The following ASTN1 variants were observed in gnomAD, a reference collection of about 807,000 sequenced individuals.
ASTN1 encodes the protein astrotactin 1.
A neutral mutation model predicts 140.7 loss-of-function variants in ASTN1; 41 were observed. That is an observed-to-expected ratio of 0.29 (90% confidence interval 0.23 to 0.38). ASTN1 has a LOEUF of 0.38. Ranked by LOEUF, ASTN1 falls within the 10% of genes least tolerant of loss-of-function variation. ASTN1 has a pLI of 1.00. For synonymous variants in ASTN1, 640 were observed against 652.2 expected, an observed-to-expected ratio of 0.98 and a Z score of 0.29; for missense variants, 1,479 against 1,678.8, an observed-to-expected ratio of 0.88 and a Z score of 2.08.
chr1:176,920,383 A>G (rs974299), intron 16 of ASTN1, among the ~76,000 whole-genome samples: 90,420 of 152,008 alleles, frequency 0.59, 29,235 homozygotes, highest in African/African-American at 0.86. Context: ...GGAGTGGTCC[A>G]GGCATCCCAC....
chr1:177,088,663 G>A (rs1679591153), intron 1 of ASTN1, among the ~76,000 whole-genome samples: 1 of 152,030 alleles, frequency 6.6e-6, no homozygotes, highest in Non-Finnish European at 1.5e-5. Flanking sequence ...TTAAAAACAT[G>A]GCATGCTCAT....
At chr1:176,913,849 C>T (rs188566244) in intron 16 of ASTN1, among the ~76,000 whole-genome samples, 1 of 152,278 alleles carries the variant, frequency 6.6e-6, no homozygotes, top group Admixed American at 6.5e-5. Context: ...ACAGCTCAGG[C>T]TAAGGGTGAG....
At chr1:176,865,419 T>C (rs1332637195) in intron 22 of ASTN1, among the ~76,000 whole-genome samples, 1 of 152,160 alleles carries the variant, frequency 6.6e-6, no homozygotes, top group Non-Finnish European at 1.5e-5. Flanking sequence ...GTGTCATAGA[T>C]AAAGAAAGTG....
At chr1:176,920,613 A>G (rs1443543198) in intron 16 of ASTN1, among the ~76,000 whole-genome samples, 1 of 152,178 alleles carries the variant, frequency 6.6e-6, no homozygotes, top group African/African-American at 2.4e-5. Context: ...GGGATGAACT[A>G]TGAATGTGGG....
At position 177,061,248 on chromosome 1, in the gene ASTN1, C is replaced by T; in HGVS notation, c.301G>A (p.Glu101Lys). The T allele has an allele frequency of 6.4e-7, 1 of 1,559,436 alleles. No homozygotes were observed. Among genetic ancestry groups the T allele is most frequent in the Non-Finnish European group, 8.7e-7 (1 of 1,151,446 alleles). ...YFVLEISGNTEDIPLVRWRQQ... is the reference protein window; with the variant it reads ...YFVLEISGNTKDIPLVRWRQQ... ...CTCCAGCGCACCAAAGGGATATCCT[C>T]TGTGTTCCCTGAGATCTCTAGAAGA... Residue 101 changes from glutamate (E) to lysine (K), a missense_variant, in exon 2 of 23, where the codon GAG becomes AAG. Physicochemically the swap from Glu to Lys is moderately conservative, Grantham distance 56. Transcript: ENST00000361833.
At chr1:176,920,899 G>C (rs1162002225) in intron 16 of ASTN1, among the ~76,000 whole-genome samples, 1 of 152,178 alleles carries the variant, frequency 6.6e-6, no homozygotes, top group Admixed American at 6.5e-5. Context: ...TTTCCCTCAA[G>C]GTGCTGCTAA....
At chr1:177,050,873 G>C (rs1207673192) in intron 2 of ASTN1, among the ~76,000 whole-genome samples, 1 of 151,972 alleles carries the variant, frequency 6.6e-6, no homozygotes, top group South Asian at 2.1e-4. Context: ...TTTCTACAAG[G>C]GGGTATTTTA....
Position 176,965,218 on chromosome 1 carries a change from A to G in ASTN1, c.1543T>C (p.Phe515Leu). 6.2e-7 allele frequency: 1 copy of G among 1,614,050 alleles called. No individual in the cohort carries two copies. The highest frequency in any genetic ancestry group is 8.5e-7 in the Non-Finnish European group (1 of 1,179,920). Reference sequence around the variant, plus strand: ...AAAACCAGGTCAAAGCCTCGCTGAAATATTGTGTAAGGCCATGGCCTAAAA... The same window carrying G: ...AAAACCAGGTCAAAGCCTCGCTGAAGTATTGTGTAAGGCCATGGCCTAAAA... ...TNQGPWPYTIFQRGFDLVLGE... is the reference protein window; with the variant it reads ...TNQGPWPYTILQRGFDLVLGE... The change falls in exon 9 of 23, where the codon TTT becomes CTT. Residue 515 changes from phenylalanine (F) to leucine (L), a missense_variant. Phe to Leu is a conservative substitution (Grantham distance 22, BLOSUM62 0). Transcript: ENST00000361833.
chr1:176,968,001 A>AG, intron 8 of ASTN1, among the ~76,000 whole-genome samples: 1 of 152,276 alleles, frequency 6.6e-6, no homozygotes, highest in South Asian at 2.1e-4. Context: ...GATCACATTT[A>AG]AAGGCAGCAG....
intron 1 of ASTN1, among the ~76,000 whole-genome samples, chr1:177,135,238 T>C (rs1338327463): frequency 1.3e-5 from 2 of 152,002 alleles, no homozygotes; most frequent in Admixed American, 6.6e-5. Context: ...TAGAATTCAT[T>C]TGTGACCAAG....
intron 8 of ASTN1, among the ~76,000 whole-genome samples, chr1:177,006,271 A>G (rs946092061): frequency 1.3e-5 from 2 of 152,196 alleles, no homozygotes; most frequent in African/African-American, 4.8e-5. Context: ...AAAAATATAT[A>G]CAGAATTGAG....
At chr1:177,094,594 C>A (rs941105885) in intron 1 of ASTN1, among the ~76,000 whole-genome samples, 2 of 152,200 alleles carry the variant, frequency 1.3e-5, no homozygotes, top group African/African-American at 4.8e-5. Context: ...GCCTCTGGAA[C>A]TGTGAGAAGC....
At chr1:176,884,562 T>C (rs1668951715) in intron 18 of ASTN1, 72 bp from the exon 19 acceptor site, 3 of 1,493,620 alleles carry the variant, frequency 2.0e-6, no homozygotes, top group Non-Finnish European at 2.8e-6. Flanking sequence ...ACTACCTCAA[T>C]TGTGATACTG....
intron 2 of ASTN1, among the ~76,000 whole-genome samples, chr1:177,050,168 A>T (rs779950077): frequency 3.3e-5 from 5 of 152,104 alleles, no homozygotes; most frequent in Non-Finnish European, 5.9e-5. Flanking sequence ...AATCCTTCCC[A>T]CTTCTTCCTC....
intron 1 of ASTN1, among the ~76,000 whole-genome samples, chr1:177,134,960 G>C (rs943900636): frequency 6.6e-6 from 1 of 152,136 alleles, no homozygotes; most frequent in Non-Finnish European, 1.5e-5. Context: ...ATAATGAAGA[G>C]GTTCAAGTGA....
chr1:177,029,247 A>G (rs1676295053), intron 5 of ASTN1: 11 of 458,606 alleles, frequency 2.4e-5, no homozygotes, highest in South Asian at 1.6e-4. Flanking sequence ...CCCAAGGCCA[A>G]TGTGGTAGAG....
At chr1:177,020,207 T>G (rs1163529756) in intron 7 of ASTN1, among the ~76,000 whole-genome samples, 1 of 152,158 alleles carries the variant, frequency 6.6e-6, no homozygotes, top group Non-Finnish European at 1.5e-5. Context: ...TCTCCTTCCT[T>G]AGTGTATAAG....
Position 177,030,827 on chromosome 1 carries a change from G to T in ASTN1, c.991C>A (p.Arg331=), listed in dbSNP as rs143274107. The stretch of plus-strand genomic sequence containing the variant: ...ATACCTCTTGCTTTGTTGTTGATCC[G>T]CTTTCTCTGGCTGCTGGAGGTGTGA... ...LSHTSSSQRK[R]INNKARAGSA... is the part of the protein sequence containing the mutation. Residue 331 remains arginine, a synonymous_variant, in exon 4 of 23, where the codon CGG becomes AGG. Transcript: ENST00000361833. 6.2e-7 allele frequency: 1 copy of T among 1,614,122 alleles called. No homozygotes were observed. Among genetic ancestry groups the T allele is most frequent in the East Asian group, 2.2e-5 (1 of 44,888 alleles).
At chr1:176,860,892 TAA>T (rs940054460), downstream of ASTN1, among the ~76,000 whole-genome samples, 2 of 152,232 alleles carry the variant, frequency 1.3e-5, no homozygotes, top group Admixed American at 1.3e-4. Flanking sequence ...TATTTAATGA[TAA>T]GTTTATAATT....
Sources: gnomAD v4.1 joint callset for allele counts (sites outside exome capture counted in the v4.1 genomes callset) on GRCh38, gnomAD v4.1.1 for gene constraint, MANE v1.5 for transcripts, NCBI Gene and HGNC (gene_info 2026-07-23, HGNC 2026-07-21) for gene names.